Variants in PLXDC2 observed in about 807,000 individuals in gnomAD.
The protein encoded by PLXDC2 is plexin domain containing 2.
In PLXDC2, 40 loss-of-function variants were observed where a neutral mutation model predicts 68.9. The observed-to-expected ratio is 0.58, with a 90% confidence interval of 0.45 to 0.76. PLXDC2 has a LOEUF of 0.76. Ranked by LOEUF, PLXDC2 falls within the 30% of genes least tolerant of loss-of-function variation. The pLI is 0.00. For synonymous variants in PLXDC2, 243 were observed against 234.2 expected (o/e 1.04, Z -0.34); for missense variants, 644 against 661.9 (o/e 0.97, Z 0.30).
intron 1 of PLXDC2, among the ~76,000 whole-genome samples, chr10:19,990,683 T>A (rs992611064): frequency 1.3e-5 from 2 of 152,240 alleles, no homozygotes; most frequent in Non-Finnish European, 2.9e-5. Flanking sequence ...TTTCTTTTTT[T>A]AATGTAATTT....
chr10:20,109,642 C>A (rs1833533141), intron 4 of PLXDC2, among the ~76,000 whole-genome samples: 1 of 152,136 alleles, frequency 6.6e-6, no homozygotes, highest in African/African-American at 2.4e-5. Context: ...TTTCAGATAT[C>A]TTCTCTCACA....
chr10:20,047,683 G>A (rs1395512254), intron 3 of PLXDC2, among the ~76,000 whole-genome samples: 3 of 152,056 alleles, frequency 2.0e-5, no homozygotes, highest in Non-Finnish European at 4.4e-5. Context: ...GTCATAAATA[G>A]CCTATTCAAG....
Position 20,185,175 on chromosome 10 carries a change from A to C in PLXDC2, c.1061+7766A>C, listed in dbSNP as rs1250358033. On this transcript the variant is annotated intron_variant, in intron 9 of 13. Transcript: ENST00000377252. ...GAACTGAAAGGAAAAAAAAAAAAAA[A>C]AAAAAAAAAAAACTATGGGTATTTT... Among the ~76,000 whole-genome samples, 4 of 151,292 alleles carry C rather than the reference A, an allele frequency of 2.6e-5. No homozygotes were observed. The South Asian group carries it at 6.3e-4, about 24-fold the overall frequency.
At position 19,863,358 on chromosome 10, in the gene PLXDC2, A is replaced by C. The variant is rs558619519; in HGVS notation, c.112+46167A>C. Among the ~76,000 whole-genome samples the C allele has an allele frequency of 5.2e-4, 79 of 152,332 alleles. 1 individual carries two copies. In the South Asian group the frequency reaches 0.016, roughly 31 times the overall value. On this transcript the variant is annotated intron_variant, in intron 1 of 13. Coordinates refer to ENST00000377252, the MANE Select transcript of PLXDC2 (RefSeq NM_032812.9). ...CAGCTGCCGGCTGACATTATGTTCT[A>C]GAAGTGCTTGCAGGGCTGGTACGTT...
intron 2 of PLXDC2, among the ~76,000 whole-genome samples, chr10:20,006,580 A>AAAC (rs1190837496): frequency 6.6e-6 from 1 of 152,164 alleles, no homozygotes; most frequent in African/African-American, 2.4e-5. Flanking sequence ...AACTTAAATA[A>AAAC]AACAACAACA....
chr10:19,876,477 C>T (rs1212461878), intron 1 of PLXDC2, among the ~76,000 whole-genome samples: 2 of 151,820 alleles, frequency 1.3e-5, no homozygotes, highest in East Asian at 3.9e-4. Context: ...TGGTGCATGC[C>T]TGTAGTCCCA....
At chr10:20,005,611 A>G (rs7899108) in intron 2 of PLXDC2, among the ~76,000 whole-genome samples, 38,710 of 151,978 alleles carry the variant, frequency 0.25, 5,256 homozygotes, top group East Asian at 0.51. Flanking sequence ...GAAGGTTTCA[A>G]CCATGGCAGG....
intron 1 of PLXDC2, among the ~76,000 whole-genome samples, chr10:19,877,738 T>A (rs945363782): frequency 4.6e-5 from 7 of 152,206 alleles, no homozygotes; most frequent in Non-Finnish European, 1.0e-4. Flanking sequence ...GAGAGAAAAA[T>A]AAACTTGTAA....
intron 4 of PLXDC2, chr10:20,070,787 A>T (rs578070076): frequency 6.6e-6 from 1 of 152,340 alleles, no homozygotes; most frequent in East Asian, 1.9e-4. Flanking sequence ...ACAGTGTAAA[A>T]ATAATGACAG....
chr10:20,121,348 G>T (rs181726025), intron 4 of PLXDC2, among the ~76,000 whole-genome samples: 2 of 152,130 alleles, frequency 1.3e-5, no homozygotes, highest in African/African-American at 2.4e-5. Flanking sequence ...AATTCTGACC[G>T]CACTAACCAT....
intron 13 of PLXDC2, among the ~76,000 whole-genome samples, chr10:20,258,406 G>T (rs1053900860): frequency 6.6e-6 from 1 of 152,106 alleles, no homozygotes; most frequent in African/African-American, 2.4e-5. Context: ...AATCACTCTT[G>T]CTACTTACTC....
intron 1 of PLXDC2, among the ~76,000 whole-genome samples, chr10:19,880,399 C>T (rs1416397662): frequency 1.3e-5 from 2 of 152,168 alleles, no homozygotes; most frequent in African/African-American, 2.4e-5. Context: ...AAATTATGCA[C>T]TGTAAGAGAT....
intron 1 of PLXDC2, among the ~76,000 whole-genome samples, chr10:19,921,626 G>T (rs531579102): frequency 2.6e-5 from 4 of 152,302 alleles, no homozygotes; most frequent in African/African-American, 9.6e-5. Context: ...CGAAAACTCT[G>T]TTATGATTAC....
chr10:20,128,373 T>G (rs780589281), intron 4 of PLXDC2, among the ~76,000 whole-genome samples: 4 of 152,214 alleles, frequency 2.6e-5, no homozygotes, highest in Non-Finnish European at 4.4e-5. Flanking sequence ...TTCACTGAGA[T>G]ATAATTGGCA....
At chr10:19,963,632 A>G (rs1339917628) in intron 1 of PLXDC2, among the ~76,000 whole-genome samples, 1 of 152,142 alleles carries the variant, frequency 6.6e-6, no homozygotes, top group Non-Finnish European at 1.5e-5. Context: ...GTGGGAATTG[A>G]ACAATGAGAA....
intron 1 of PLXDC2, among the ~76,000 whole-genome samples, chr10:19,935,176 G>A (rs940008691): frequency 2.7e-4 from 41 of 152,166 alleles, no homozygotes; most frequent in African/African-American, 9.2e-4. Flanking sequence ...TTCACGGGTG[G>A]TGGAGGCTGA....
chr10:20,151,873 T>C (rs1424679064), intron 6 of PLXDC2, among the ~76,000 whole-genome samples: 1 of 152,114 alleles, frequency 6.6e-6, no homozygotes, highest in Non-Finnish European at 1.5e-5. Flanking sequence ...TAACACCAGC[T>C]TTGTTTTGTT....
chr10:19,910,680 T>G (rs1257639307), intron 1 of PLXDC2, among the ~76,000 whole-genome samples: 5 of 150,406 alleles, frequency 3.3e-5, no homozygotes, highest in Non-Finnish European at 7.4e-5. Context: ...GATAGAACAT[T>G]CCATGCCTAT....
intron 9 of PLXDC2, among the ~76,000 whole-genome samples, chr10:20,189,922 G>A (rs1272730688): frequency 3.3e-5 from 5 of 151,514 alleles, no homozygotes; most frequent in South Asian, 2.1e-4. Flanking sequence ...TTCCAAACTC[G>A]GAAGAAATAG....
Sources: allele counts gnomAD v4.1 joint callset (sites outside exome capture counted in the v4.1 genomes callset), GRCh38; gene constraint gnomAD v4.1.1; transcripts MANE v1.5; gene names NCBI Gene and HGNC (gene_info 2026-07-23, HGNC 2026-07-21).